Variants in PMF1 observed in about 807,000 individuals in gnomAD.
PMF1 encodes the protein polyamine modulated factor 1.
A neutral mutation model predicts 26.7 loss-of-function variants in PMF1; 21 were observed. That is an observed-to-expected ratio of 0.79 (90% confidence interval 0.56 to 1.13). The LOEUF (loss-of-function observed/expected upper bound fraction) is 1.13, where lower values mean the gene tolerates loss of function less well. PMF1 is among the 50% of genes most tolerant of loss of function. The pLI is 0.00. For missense variants in PMF1, 266 were observed against 254.9 expected, an observed-to-expected ratio of 1.04 and a Z score of -0.30; for synonymous variants, 105 against 101.0, an observed-to-expected ratio of 1.04 and a Z score of -0.24.
chr1:156,229,601 G>A (rs1157595813), intron 1 of PMF1, among the ~76,000 whole-genome samples: 6 of 150,450 alleles, frequency 4.0e-5, no homozygotes, highest in African/African-American at 1.2e-4. Context: ...ATGGAGTGTC[G>A]CTCTTGTTGC....
chr1:156,218,526 ATC>A (rs1657900832), intron 1 of PMF1, among the ~76,000 whole-genome samples: 1 of 152,208 alleles, frequency 6.6e-6, no homozygotes, highest in East Asian at 1.9e-4. Context: ...CATGCTTGTA[ATC>A]ACCAGCACTT....
intron 1 of PMF1, among the ~76,000 whole-genome samples, chr1:156,227,504 A>T (rs140471667): frequency 0.34 from 47,540 of 138,942 alleles, 7,735 homozygotes; most frequent in Non-Finnish European, 0.36. Context: ...ATTTTATTTT[A>T]TTTTTTTTTT....
At chr1:156,227,718 G>A (rs943787953) in intron 1 of PMF1, among the ~76,000 whole-genome samples, 6 of 151,322 alleles carry the variant, frequency 4.0e-5, no homozygotes, top group South Asian at 2.1e-4. Flanking sequence ...GGCTGGTCTC[G>A]AACTCCCGAC....
Position 156,236,651 on chromosome 1 carries a change from C to G in PMF1, c.564+168C>G, listed in dbSNP as rs562550084. On this transcript the variant is annotated intron_variant, in intron 4 of 4. Transcript: ENST00000368277. Reference sequence around the variant, plus strand: ...CCTCTCCTTGGGCGTGTGCAGTAGCCTCTGCCAGCCTCAGCAGACAGTCTC... The same window carrying G: ...CCTCTCCTTGGGCGTGTGCAGTAGCGTCTGCCAGCCTCAGCAGACAGTCTC... 117 of 835,922 alleles carry G rather than the reference C, an allele frequency of 1.4e-4. No homozygotes were observed. The African/African-American group carries it at 1.8e-3, about 13-fold the overall frequency. 51.8% of individuals were successfully genotyped at this position (835,922 alleles called of 1,614,324 possible). A position where few individuals can be genotyped will look rare whatever the true frequency, so the allele number is the denominator to read the frequency against.
chr1:156,235,765 A>T (rs1213556836), intron 3 of PMF1, among the ~76,000 whole-genome samples: 3 of 152,198 alleles, frequency 2.0e-5, no homozygotes, highest in Non-Finnish European at 4.4e-5. Context: ...TAAAGAACTC[A>T]CAGTGCTTTC....
rs776670486 is a variant in PMF1 at position 156,236,300 on chromosome 1, G to T, written c.381G>T (p.Gly127=). 8.1e-6 allele frequency: 13 copies of T among 1,608,650 alleles called. No individual in the cohort carries two copies. The Admixed American group carries it at 1.0e-4, about 12-fold the overall frequency. Residue 127 remains glycine (G), a synonymous_variant, in exon 4 of 5, where the codon GGG becomes GGT. Coordinates refer to ENST00000368277, the MANE Select transcript of PMF1 (RefSeq NM_007221.4). The stretch of plus-strand genomic sequence containing the variant: ...TGTGGCCCTCCAGGCGCCCCAGCGG[G>T]ATCCCAGAGAAGGATCTGCACAGTG... ...VRKEPAWRPS[G]IPEKDLHSVM...
chr1:156,225,562 C>T (rs571005984), intron 1 of PMF1: 1 of 1,545,240 alleles, frequency 6.5e-7, no homozygotes, highest in Non-Finnish European at 8.8e-7. Flanking sequence ...CTCAGCTCTC[C>T]ACTCCTTCAT....
In PMF1 at chr1:156,236,351, A is replaced by C. The variant is rs1031004715; in HGVS notation, c.432A>C (p.Gln144His). 1 of 1,614,202 alleles carries C rather than the reference A, an allele frequency of 6.2e-7. No homozygotes were observed. The highest frequency in any genetic ancestry group is 1.7e-5 in the Admixed American group (1 of 60,024). The change falls in exon 4 of 5, where the codon CAA becomes CAC. Residue 144 changes from glutamine to histidine, a missense_variant. Coordinates refer to ENST00000368277, the MANE Select transcript of PMF1 (RefSeq NM_007221.4). ...TTATGGCACCCTACTTCCTGCAGCA[A>C]CGGGACACCCTGCGGCGCCATGTGC... ...HSVMAPYFLQ[Q>H]RDTLRRHVQK...
chr1:156,238,890 C>CA (rs11464443), intron 4 of PMF1, among the ~76,000 whole-genome samples: 4 of 151,932 alleles, frequency 2.6e-5, no homozygotes, highest in East Asian at 1.9e-4. Context: ...AGGCCCCCCC[C>CA]CCAAGCCTGG....
At chr1:156,225,546 TTTG>T in intron 1 of PMF1, 1 of 1,499,894 alleles carries the variant, frequency 6.7e-7, no homozygotes, top group South Asian at 1.2e-5. Context: ...GCCTGTTTGT[TTTG>T]TTCTCAGCTC....
chr1:156,237,927 C>T (rs1308617366), intron 4 of PMF1, among the ~76,000 whole-genome samples: 3 of 151,568 alleles, frequency 2.0e-5, no homozygotes, highest in Non-Finnish European at 1.5e-5. Context: ...TGCTGTGACG[C>T]CTGGTTAATT....
At position 156,236,387 on chromosome 1, in the gene PMF1, G is replaced by T; in HGVS notation, c.468G>T (p.Glu156Asp). The change falls in exon 4 of 5, where the codon GAG becomes GAT. Residue 156 changes from glutamate to aspartate, a missense_variant. Physicochemically the swap from Glu to Asp is conservative, Grantham distance 45. Coordinates refer to ENST00000368277, the MANE Select transcript of PMF1 (RefSeq NM_007221.4). ...DTLRRHVQKQ[E>D]AENQQLADAV... ...TGCGGCGCCATGTGCAGAAACAGGA[G>T]GCCGAGAACCAGCAGCTGGCAGATG... 1 of 1,614,244 alleles carries T rather than the reference G, an allele frequency of 6.2e-7. No individual in the cohort carries two copies. The highest frequency in any genetic ancestry group is 8.5e-7 in the Non-Finnish European group (1 of 1,180,038).
intron 1 of PMF1, among the ~76,000 whole-genome samples, chr1:156,228,288 T>TTTTTTTTTTTC (rs1371074585): frequency 7.0e-6 from 1 of 143,792 alleles, no homozygotes; most frequent in Non-Finnish European, 1.5e-5. Flanking sequence ...TTTTTTTTTT[T>TTTTTTTTTTTC]AGTGTATCAC....
intron 2 of PMF1, 72 bp from the exon 3 acceptor site, chr1:156,233,556 G>C: frequency 6.7e-7 from 1 of 1,486,708 alleles, no homozygotes; most frequent in Non-Finnish European, 9.3e-7. Context: ...ACCAAGTGCT[G>C]TCAGCAGTTT....
intron 1 of PMF1, among the ~76,000 whole-genome samples, chr1:156,218,125 T>C (rs183721511): frequency 6.6e-6 from 1 of 152,370 alleles, no homozygotes. Context: ...CTGGCAGGTT[T>C]GGGCATTTCT....
At chr1:156,235,290 A>G (rs2103127603) in intron 3 of PMF1, among the ~76,000 whole-genome samples, 1 of 150,378 alleles carries the variant, frequency 6.6e-6, no homozygotes, top group South Asian at 2.1e-4. Flanking sequence ...CACCTGGCTA[A>G]TTTTTGTATT....
Position 156,217,212 on chromosome 1 carries a change from AC to A in PMF1, c.161+4039del, listed in dbSNP as rs1248245089. ...AGTAACCTGCACAATGTGCACATGT[AC>A]CCTAAAACTTAAAGTATAATAAAAA... On this transcript the variant is annotated intron_variant, in intron 1 of 4. Transcript: ENST00000368277. 7.6e-5 allele frequency among the ~76,000 whole-genome samples: 11 copies of A among 144,440 alleles called. No homozygotes were observed. The East Asian group carries it at 2.2e-3, about 28-fold the overall frequency. 94.8% of individuals were successfully genotyped at this position (144,440 alleles called of 152,430 possible).
intron 1 of PMF1, chr1:156,223,822 C>G (rs1392197750): frequency 6.6e-6 from 1 of 152,240 alleles, no homozygotes; most frequent in African/African-American, 2.4e-5. Flanking sequence ...GCTAAGGCCC[C>G]ATGCTGTCTC....
At chr1:156,218,654 C>T (rs1657909764) in intron 1 of PMF1, among the ~76,000 whole-genome samples, 1 of 151,844 alleles carries the variant, frequency 6.6e-6, no homozygotes, top group South Asian at 2.1e-4. Flanking sequence ...TGGTGGCGCG[C>T]ACCTGTAGTC....
Sources: gnomAD v4.1 joint callset for allele counts (sites outside exome capture counted in the v4.1 genomes callset) on GRCh38, gnomAD v4.1.1 for gene constraint, MANE v1.5 for transcripts, NCBI Gene and HGNC (gene_info 2026-07-23, HGNC 2026-07-21) for gene names.